Variants in GNB1 observed in about 807,000 individuals in gnomAD.
The protein encoded by GNB1 is G protein subunit beta 1.
GNB1 carries 2 observed loss-of-function variants against 42.9 expected under a neutral mutation model. The ratio of observed to expected loss-of-function variants is 0.05; its 90% CI spans 0.02 to 0.15. GNB1 has a LOEUF of 0.15. Ranked by LOEUF, GNB1 falls within the 10% of genes least tolerant of loss-of-function variation. GNB1 has a pLI of 1.00. For missense variants in GNB1, 193 were observed against 462.2 expected (o/e 0.42, Z 5.34); for synonymous variants, 183 against 174.7 (o/e 1.05, Z -0.38).
chr1:1,838,187 A>G (rs572723689), intron 2 of GNB1, among the ~76,000 whole-genome samples: 2 of 152,254 alleles, frequency 1.3e-5, no homozygotes, highest in East Asian at 3.9e-4. Context: ...TGGGCAACAG[A>G]GCAAGACTCT....
intron 2 of GNB1, among the ~76,000 whole-genome samples, chr1:1,832,948 GCT>G (rs760340041): frequency 6.6e-6 from 1 of 152,200 alleles, no homozygotes; most frequent in Non-Finnish European, 1.5e-5. Context: ...ATCTGAAAGT[GCT>G]CTGTCAGTCT....
chr1:1,806,088 G>GA (rs1221793245), intron 6 of GNB1, among the ~76,000 whole-genome samples: 1 of 152,212 alleles, frequency 6.6e-6, no homozygotes, highest in African/African-American at 2.4e-5. Context: ...TTTAAAGTAT[G>GA]ATGTCTTTCA....
At chr1:1,824,076 C>G (rs1249210102) in intron 3 of GNB1, among the ~76,000 whole-genome samples, 1 of 152,132 alleles carries the variant, frequency 6.6e-6, no homozygotes, top group Non-Finnish European at 1.5e-5. Flanking sequence ...CAGCGACACT[C>G]TGAAGAACAG....
At chr1:1,803,331 C>A (rs1646650698) in intron 7 of GNB1, among the ~76,000 whole-genome samples, 1 of 152,206 alleles carries the variant, frequency 6.6e-6, no homozygotes, top group South Asian at 2.1e-4. Flanking sequence ...CAGGGTCTCG[C>A]TTTCGCCCAG....
chr1:1,870,604 G>C (rs1428010281), intron 1 of GNB1, among the ~76,000 whole-genome samples: 1 of 152,222 alleles, frequency 6.6e-6, no homozygotes, highest in African/African-American at 2.4e-5. Context: ...TGTTACGCAT[G>C]TTAGCGTTGC....
At position 1,868,171 on chromosome 1, in the gene GNB1, T is replaced by C. The variant is rs373499634; in HGVS notation, c.-96+22649A>G. Among the ~76,000 whole-genome samples, 110 of 152,186 alleles carry C rather than the reference T, an allele frequency of 7.2e-4. 2 individuals are homozygous for C. The South Asian group carries it at 0.022, about 30-fold the overall frequency. On this transcript the variant is annotated intron_variant, in intron 1 of 11. Coordinates refer to ENST00000378609, the MANE Select transcript of GNB1 (RefSeq NM_002074.5). ...TAAAGGTTCCTTCATATAGTGTGTGTTTTGTTTTTTTGTTTTTTTTTGAGA... is the reference window on the plus strand; with the variant it reads ...TAAAGGTTCCTTCATATAGTGTGTGCTTTGTTTTTTTGTTTTTTTTTGAGA...
chr1:1,853,693 A>C (rs947963221), intron 1 of GNB1, among the ~76,000 whole-genome samples: 1 of 152,194 alleles, frequency 6.6e-6, no homozygotes, highest in Non-Finnish European at 1.5e-5. Context: ...GGAAACAGGA[A>C]TAATAGAAAC....
chr1:1,865,055 G>A (rs1482028174), intron 1 of GNB1, among the ~76,000 whole-genome samples: 1 of 152,008 alleles, frequency 6.6e-6, no homozygotes, highest in Admixed American at 6.6e-5. Context: ...AAGGTCAGGA[G>A]ATCGAGACCA....
chr1:1,810,701 T>C (rs976734411), intron 5 of GNB1, among the ~76,000 whole-genome samples: 3 of 152,072 alleles, frequency 2.0e-5, no homozygotes, highest in Admixed American at 6.6e-5. Flanking sequence ...AGAGTCTCAC[T>C]CTGTCACCCA....
At chr1:1,874,605 TAAAAAAA>T (rs34864042) in intron 1 of GNB1, among the ~76,000 whole-genome samples, 4 of 46,998 alleles carry the variant, frequency 8.5e-5, no homozygotes, top group African/African-American at 2.6e-4. Flanking sequence ...AGACTCCATC[TAAAAAAA>T]AAAAAAAAAA....
In GNB1 at chr1:1,887,795, A is replaced by G. The variant is rs867208331; in HGVS notation, c.-96+3025T>C. 3.3e-5 allele frequency among the ~76,000 whole-genome samples: 5 copies of G among 152,164 alleles called. No individual in the cohort carries two copies. The East Asian group carries it at 9.6e-4, about 29-fold the overall frequency. Reference sequence around the variant, plus strand: ...CACGCCGGCTAATTTTAATATTTTTAGTAGATACGAGGTTTCGCTATGTTG... The same window carrying G: ...CACGCCGGCTAATTTTAATATTTTTGGTAGATACGAGGTTTCGCTATGTTG... On this transcript the variant is annotated intron_variant, in intron 1 of 11. Transcript: ENST00000378609.
chr1:1,831,941 A>G (rs539639705), intron 2 of GNB1, among the ~76,000 whole-genome samples: 7 of 151,562 alleles, frequency 4.6e-5, no homozygotes, highest in Non-Finnish European at 8.8e-5. Context: ...ACACGCCTGT[A>G]GTCCCAGCTA....
intron 1 of GNB1, among the ~76,000 whole-genome samples, chr1:1,886,099 G>T (rs1650141535): frequency 6.6e-6 from 1 of 151,694 alleles, no homozygotes; most frequent in South Asian, 2.1e-4. Context: ...ATCACCGGAG[G>T]TCAGGAGTTC....
At position 1,889,749 on chromosome 1, in the gene GNB1, G is replaced by A. The variant is rs182527519; in HGVS notation, c.-96+1071C>T. Among the ~76,000 whole-genome samples the A allele has an allele frequency of 1.6e-4, 25 of 151,550 alleles. No individual in the cohort carries two copies. In the East Asian group the frequency reaches 4.6e-3, roughly 28 times the overall value. On this transcript the variant is annotated intron_variant, in intron 1 of 11. Transcript: ENST00000378609. The stretch of plus-strand genomic sequence containing the variant: ...TGCATGCTAACCATGTAATTTAACG[G>A]ACACAAGAAATGTTAAAATATCATT...
At chr1:1,834,560 C>A (rs1039293130) in intron 2 of GNB1, among the ~76,000 whole-genome samples, 27 of 152,002 alleles carry the variant, frequency 1.8e-4, no homozygotes, top group African/African-American at 6.0e-4. Flanking sequence ...CTGATGGAGT[C>A]TCATGAAATG....
At chr1:1,812,757 G>A (rs1221588636) in intron 5 of GNB1, among the ~76,000 whole-genome samples, 1 of 152,108 alleles carries the variant, frequency 6.6e-6, no homozygotes, top group Non-Finnish European at 1.5e-5. Flanking sequence ...GGCTTTCAAG[G>A]CACAAAGTGT....
chr1:1,885,528 A>G (rs1440315669), intron 1 of GNB1, among the ~76,000 whole-genome samples: 1 of 151,730 alleles, frequency 6.6e-6, no homozygotes, highest in Non-Finnish European at 1.5e-5. Context: ...GAAGACATAA[A>G]TAAGGAAATA....
chr1:1,858,828 T>G (rs113689229), intron 1 of GNB1, among the ~76,000 whole-genome samples: 3,332 of 152,204 alleles, frequency 0.022, 133 homozygotes, highest in African/African-American at 0.077. Flanking sequence ...CGTCACATCC[T>G]AATAAAGCCC....
intron 1 of GNB1, among the ~76,000 whole-genome samples, chr1:1,872,862 AC>A (rs1484622025): frequency 3.9e-5 from 6 of 152,118 alleles, no homozygotes; most frequent in South Asian, 4.2e-4. Context: ...CAAAGTAAGT[AC>A]TTGGTAAATA....
Sources: gnomAD v4.1 joint callset for allele counts (sites outside exome capture counted in the v4.1 genomes callset) on GRCh38, gnomAD v4.1.1 for gene constraint, MANE v1.5 for transcripts, NCBI Gene and HGNC (gene_info 2026-07-23, HGNC 2026-07-21) for gene names.